C3orf70: variants seen among roughly 807,000 people sequenced by gnomAD.
The protein encoded by C3orf70 is chromosome 3 open reading frame 70, also known as UPF0524 protein C3orf70.
In C3orf70, 15 loss-of-function variants were observed where a neutral mutation model predicts 20.7. That is an observed-to-expected ratio of 0.72 (90% CI 0.48 to 1.11). The LOEUF (loss-of-function observed/expected upper bound fraction) is 1.11. Among genes scored for constraint, C3orf70 ranks in the 50% most tolerant of loss-of-function variants. The pLI, the probability that C3orf70 is intolerant of heterozygous loss-of-function variation, is 0.00. For missense variants in C3orf70, 332 were observed against 317.6 expected (o/e 1.05, Z -0.34); for synonymous variants, 161 against 125.7 (o/e 1.28, Z -1.88).
chr3:185,107,868 AC>A (rs774326942), intron 1 of C3orf70, among the ~76,000 whole-genome samples: 203 of 152,324 alleles, frequency 1.3e-3, no homozygotes, highest in Middle Eastern at 6.8e-3. Flanking sequence ...AATTTTTTCA[AC>A]TCAGCATTCA....
rs767215199 is a variant in C3orf70, at chr3:185,152,832, C to T, written c.-9G>A. 1.7e-5 allele frequency: 26 copies of T among 1,527,184 alleles called. No homozygotes were observed. The Admixed American group carries it at 2.7e-4, about 16-fold the overall frequency. 94.6% of individuals were successfully genotyped at this position (1,527,184 alleles called of 1,614,324 possible). A position where few individuals can be genotyped will look rare whatever the true frequency, so the allele number is the denominator to read the frequency against. On this transcript the variant is annotated 5_prime_UTR_variant, in exon 1 of 2. Transcript: ENST00000335012. ...GAGGCCGCCGCACTCATTTCCTCTC[C>T]CTCCGCGCGGAGCCGACACCGGGAG... is the stretch of plus-strand genomic sequence containing the variant.
At position 185,078,381 on chromosome 3, in the gene C3orf70, A is replaced by C. The variant is rs1344859827; in HGVS notation, c.*4626T>G. 3 of 152,438 alleles carry C rather than the reference A, an allele frequency of 2.0e-5. No homozygotes were observed. The East Asian group carries it at 5.8e-4, about 29-fold the overall frequency. 9.4% of individuals were successfully genotyped at this position (152,438 alleles called of 1,614,324 possible). On this transcript the variant is annotated 3_prime_UTR_variant, in exon 2 of 2. Coordinates refer to ENST00000335012, the MANE Select transcript of C3orf70 (RefSeq NM_001025266.3). ...AACCTTAATCGAAAAAAGAAGTCAT[A>C]GCACTAACTGAAACATGGCCTTTTC... is the stretch of plus-strand genomic sequence containing the variant.
At chr3:185,141,578 A>C (rs1220891200) in intron 1 of C3orf70, among the ~76,000 whole-genome samples, 1 of 152,226 alleles carries the variant, frequency 6.6e-6, no homozygotes, top group African/African-American at 2.4e-5. Flanking sequence ...AGCAATAAAA[A>C]GGAACAAACT....
intron 1 of C3orf70, among the ~76,000 whole-genome samples, chr3:185,132,162 C>G (rs1000047123): frequency 4.6e-5 from 7 of 152,078 alleles, no homozygotes; most frequent in Non-Finnish European, 7.4e-5. Context: ...GATAACATTC[C>G]ACGGGATAAA....
chr3:185,121,151 T>C (rs1716289777), intron 1 of C3orf70, among the ~76,000 whole-genome samples: 1 of 152,130 alleles, frequency 6.6e-6, no homozygotes, highest in Admixed American at 6.6e-5. Context: ...ACATCATACG[T>C]TCTCACTCAT....
At chr3:185,146,050 C>T (rs1240403578) in intron 1 of C3orf70, among the ~76,000 whole-genome samples, 33 of 152,092 alleles carry the variant, frequency 2.2e-4, no homozygotes, top group Non-Finnish European at 1.0e-4. Flanking sequence ...TATCAGCTTT[C>T]TCTGTCTCTC....
At position 185,084,162 on chromosome 3, in the gene C3orf70, G is replaced by A. The variant is rs181028635; in HGVS notation, c.197-599C>T. ...CGTGCCACTGCACTCCAGCCTGGGC[G>A]ACAGAGTGAGACCCTGTCTCAAAAA... On this transcript the variant is annotated intron_variant, in intron 1 of 1. Transcript: ENST00000335012. 2.1e-3 allele frequency among the ~76,000 whole-genome samples: 318 copies of A among 150,656 alleles called. 2 individuals are homozygous for A. Among genetic ancestry groups the A allele is most frequent in the African/African-American group, 7.3e-3 (298 of 40,948 alleles).
chr3:185,104,893 T>C (rs918670904), intron 1 of C3orf70, among the ~76,000 whole-genome samples: 1 of 152,142 alleles, frequency 6.6e-6, no homozygotes, highest in Non-Finnish European at 1.5e-5. Flanking sequence ...GGTGATGAAA[T>C]AATTGGTACA....
Position 185,082,903 on chromosome 3 carries a change from G to C in C3orf70, c.*104C>G, listed in dbSNP as rs1191572075. ...TGCTACGGTTGTTGGTTGGAGCGGG[G>C]CGGGGTGGGTAGAAAATATCAACAG... On this transcript the variant is annotated 3_prime_UTR_variant, in exon 2 of 2. Coordinates refer to ENST00000335012, the MANE Select transcript of C3orf70 (RefSeq NM_001025266.3). The C allele has an allele frequency of 8.6e-7, 1 of 1,164,268 alleles. No individual in the cohort carries two copies. The highest frequency in any genetic ancestry group is 1.5e-5 in the African/African-American group (1 of 65,278). The allele number at this position is 1,164,268 out of a possible 1,614,324, so 72.1% of individuals were successfully genotyped here. A position where few individuals can be genotyped will look rare whatever the true frequency, so the allele number is the denominator to read the frequency against.
chr3:185,121,031 G>A (rs939913108), intron 1 of C3orf70, among the ~76,000 whole-genome samples: 2 of 152,126 alleles, frequency 1.3e-5, no homozygotes, highest in Admixed American at 6.6e-5. Context: ...ATATGTATAC[G>A]ATGGAATACT....
Position 185,093,909 on chromosome 3 carries a change from G to A in C3orf70, c.197-10346C>T, listed in dbSNP as rs528485141. Among the ~76,000 whole-genome samples the A allele has an allele frequency of 4.6e-5, 7 of 151,772 alleles. No homozygotes were observed. In the South Asian group the frequency reaches 1.3e-3, roughly 27 times the overall value. On this transcript the variant is annotated intron_variant, in intron 1 of 1. Transcript: ENST00000335012. ...AGGATCCTCAGGGGATTGGTTCGAGGACCACCCCACCCCAACAGAAATCAA... is the reference window on the plus strand; with the variant it reads ...AGGATCCTCAGGGGATTGGTTCGAGAACCACCCCACCCCAACAGAAATCAA...
At chr3:185,111,928 G>A (rs548595860) in intron 1 of C3orf70, among the ~76,000 whole-genome samples, 3 of 152,288 alleles carry the variant, frequency 2.0e-5, no homozygotes, top group East Asian at 3.9e-4. Context: ...GAAGTCAAGA[G>A]AACAATGCAT....
intron 1 of C3orf70, among the ~76,000 whole-genome samples, chr3:185,144,540 C>T (rs1366721923): frequency 1.3e-5 from 2 of 152,172 alleles, no homozygotes; most frequent in Admixed American, 6.5e-5. Context: ...GGCACAATCT[C>T]GACTCACTGC....
intron 1 of C3orf70, among the ~76,000 whole-genome samples, chr3:185,090,622 T>C (rs1715546974): frequency 6.6e-6 from 1 of 151,942 alleles, no homozygotes; most frequent in Non-Finnish European, 1.5e-5. Context: ...ATTATAATTA[T>C]GTTTATTTTA....
chr3:185,150,098 A>AAACTAGT (rs1716957993), intron 1 of C3orf70, among the ~76,000 whole-genome samples: 1 of 152,236 alleles, frequency 6.6e-6, no homozygotes, highest in Non-Finnish European at 1.5e-5. Context: ...TAGGATTTCA[A>AAACTAGT]TAAGGTATTT....
At chr3:185,102,370 C>T (rs1384261497) in intron 1 of C3orf70, among the ~76,000 whole-genome samples, 6 of 152,032 alleles carry the variant, frequency 3.9e-5, no homozygotes, top group African/African-American at 1.4e-4. Context: ...AAAGATCTCT[C>T]CAAGGAGAAC....
chr3:185,112,671 A>G (rs1577325989), intron 1 of C3orf70, among the ~76,000 whole-genome samples: 1 of 152,208 alleles, frequency 6.6e-6, no homozygotes, highest in Admixed American at 6.5e-5. Flanking sequence ...TTTGTACTCT[A>G]TGTACTTCAT....
chr3:185,145,717 G>A (rs148293983), intron 1 of C3orf70, among the ~76,000 whole-genome samples: 57 of 152,318 alleles, frequency 3.7e-4, no homozygotes, highest in African/African-American at 1.2e-3. Context: ...GGTACTACGC[G>A]TGACCTTGGG....
At chr3:185,117,418 TACAC>T (rs141665642) in intron 1 of C3orf70, among the ~76,000 whole-genome samples, 41,954 of 134,896 alleles carry the variant, frequency 0.31, 6,382 homozygotes, top group East Asian at 0.57. Context: ...ACCACACACA[TACAC>T]ACACACACAC....
Sources: allele counts gnomAD v4.1 joint callset (sites outside exome capture counted in the v4.1 genomes callset), GRCh38; gene constraint gnomAD v4.1.1; transcripts MANE v1.5; gene names NCBI Gene and HGNC (gene_info 2026-07-23, HGNC 2026-07-21).